AAK1: variants seen among roughly 807,000 people sequenced by gnomAD.
AAK1 encodes AP2 associated kinase 1, also known as AP2-associated protein kinase 1.
A neutral mutation model predicts 116.0 loss-of-function variants in AAK1; 37 were observed. That is an observed-to-expected ratio of 0.32 (90% CI 0.25 to 0.42). The LOEUF (loss-of-function observed/expected upper bound fraction) is 0.42, where lower values mean the gene tolerates loss of function less well. Ranked by LOEUF, AAK1 falls within the 10% of genes least tolerant of loss-of-function variation. The pLI is 1.00. For synonymous variants in AAK1, 458 were observed against 439.9 expected (o/e 1.04, Z -0.51); for missense variants, 919 against 1,170.6 (o/e 0.79, Z 3.14).
intron 9 of AAK1, 147 bp from the exon 10 acceptor site, chr2:69,525,259 G>T: frequency 1.4e-6 from 1 of 711,516 alleles, no homozygotes; most frequent in Non-Finnish European, 2.3e-6. Flanking sequence ...AGCTCTGTCT[G>T]GTAGAGGGAA....
At chr2:69,516,029 T>G (rs1676566822) in intron 12 of AAK1, among the ~76,000 whole-genome samples, 1 of 152,200 alleles carries the variant, frequency 6.6e-6, no homozygotes, top group African/African-American at 2.4e-5. Context: ...GATGGACTTT[T>G]GCAGATTTAA....
chr2:69,480,274 A>AG (rs1310635761), intron 19 of AAK1, among the ~76,000 whole-genome samples: 5 of 151,928 alleles, frequency 3.3e-5, no homozygotes, highest in African/African-American at 9.7e-5. Context: ...AAAAAAAAAA[A>AG]AAGAAGAAGG....
Position 69,473,863 on chromosome 2 carries a change from T to G in AAK1, c.*2006A>C. On this transcript the variant is annotated 3_prime_UTR_variant, in exon 22 of 22. Coordinates refer to ENST00000409085, the MANE Select transcript of AAK1 (RefSeq NM_014911.5). ...GAATACAATTCTGACCTGCAGCAATTTTCCTGTCCATAAAGGGGTAAACCA... is the reference window on the plus strand; with the variant it reads ...GAATACAATTCTGACCTGCAGCAATGTTCCTGTCCATAAAGGGGTAAACCA... 1 of 985,846 alleles carries G rather than the reference T, an allele frequency of 1.0e-6. No homozygotes were observed. Among genetic ancestry groups the G allele is most frequent in the Non-Finnish European group, 1.2e-6 (1 of 829,926 alleles). The allele number at this position is 985,846 out of a possible 1,614,324, so 61.1% of individuals were successfully genotyped here. A position where few individuals can be genotyped will look rare whatever the true frequency, so the allele number is the denominator to read the frequency against.
In AAK1 at chr2:69,640,049, A is replaced by ACTCTCTCTCTCTCTCTCTCT. The variant is rs1158229745; in HGVS notation, c.163+2828_163+2829insAGAGAGAGAGAGAGAGAGAG. ...CACACACACACACACACACACACACACACACTCTCTCTCTCTCTCTCTCTC... is the reference window on the plus strand; with the variant it reads ...CACACACACACACACACACACACACACTCTCTCTCTCTCTCTCTCTCACACTCTCTCTCTCTCTCTCTCTC... On this transcript the variant is annotated intron_variant, in intron 2 of 21. Coordinates refer to ENST00000409085, the MANE Select transcript of AAK1 (RefSeq NM_014911.5). 2.6e-4 allele frequency among the ~76,000 whole-genome samples: 30 copies of ACTCTCTCTCTCTCTCTCTCT among 115,062 alleles called. 1 individual carries two copies. The highest frequency in any genetic ancestry group is 2.6e-4 in the South Asian group (1 of 3,894). The allele number at this position is 115,062 out of a possible 152,430, so 75.5% of individuals were successfully genotyped here.
At chr2:69,611,733 T>C (rs1319193775) in intron 2 of AAK1, among the ~76,000 whole-genome samples, 4 of 152,132 alleles carry the variant, frequency 2.6e-5, no homozygotes, top group African/African-American at 9.7e-5. Flanking sequence ...AGCCAGAAGG[T>C]AGAAGCAATC....
At position 69,462,534 on chromosome 2, in the gene AAK1, C is replaced by A. The variant is rs1054963623; in HGVS notation, c.*13335G>T. 2 of 152,034 alleles carry A rather than the reference C, an allele frequency of 1.3e-5. No individual in the cohort carries two copies. The highest frequency in any genetic ancestry group is 2.4e-5 in the African/African-American group (1 of 41,358). The allele number at this position is 152,034 out of a possible 1,614,324, so 9.4% of individuals were successfully genotyped here. ...TCTCTACTAAGAATACAAAAATTAG[C>A]CAGGCGCGGTGGTGTGTGCCTATAA... On this transcript the variant is annotated 3_prime_UTR_variant, in exon 22 of 22. Coordinates refer to ENST00000409085, the MANE Select transcript of AAK1 (RefSeq NM_014911.5).
At chr2:69,630,789 G>A (rs1342179432) in intron 2 of AAK1, among the ~76,000 whole-genome samples, 2 of 152,124 alleles carry the variant, frequency 1.3e-5, no homozygotes, top group East Asian at 1.9e-4. Context: ...GGAAGGGGAG[G>A]AAAGACAGTA....
In AAK1 at chr2:69,542,677, C is replaced by A. The variant is rs758898750; in HGVS notation, c.392-12G>T. Reference sequence around the variant, plus strand: ...TACCACCTGGCCACCTGAGGGGGTACGTACAGGGCAAAGGAGACGTTATAA... The same window carrying A: ...TACCACCTGGCCACCTGAGGGGGTAAGTACAGGGCAAAGGAGACGTTATAA... On this transcript the variant is annotated splice_polypyrimidine_tract_variant and intron_variant, in intron 4 of 21. Coordinates refer to ENST00000409085, the MANE Select transcript of AAK1 (RefSeq NM_014911.5). 5.6e-6 allele frequency: 9 copies of A among 1,612,880 alleles called. No homozygotes were observed. In the East Asian group the frequency reaches 2.0e-4, roughly 36 times the overall value.
In AAK1 at chr2:69,465,706, T is replaced by G; in HGVS notation, c.*10163A>C. 1.5e-6 allele frequency: 2 copies of G among 1,290,922 alleles called. No homozygotes were observed. The highest frequency in any genetic ancestry group is 1.0e-6 in the Non-Finnish European group (1 of 988,886). The allele number at this position is 1,290,922 out of a possible 1,614,324, so 80.0% of individuals were successfully genotyped here. A position where few individuals can be genotyped will look rare whatever the true frequency, so the allele number is the denominator to read the frequency against. The stretch of plus-strand genomic sequence containing the variant: ...GCTTCTTTCTGGAGCTGAGGTCCTT[T>G]GTTTCTGTCATTAGAATGACCCCCA... On this transcript the variant is annotated 3_prime_UTR_variant, in exon 22 of 22. Coordinates refer to ENST00000409085, the MANE Select transcript of AAK1 (RefSeq NM_014911.5).
chr2:69,567,448 G>A (rs1389522717), intron 2 of AAK1, among the ~76,000 whole-genome samples: 2 of 152,186 alleles, frequency 1.3e-5, no homozygotes, highest in Non-Finnish European at 2.9e-5. Flanking sequence ...GGGCAGGGAC[G>A]ATGACTGATT....
At chr2:69,530,751 AATTAAAAACC>A in intron 6 of AAK1, 45 bp from the exon 7 acceptor site, 1 of 1,444,776 alleles carries the variant, frequency 6.9e-7, no homozygotes, top group Non-Finnish European at 9.7e-7. Context: ...TCAATACTAT[AATTAAAAACC>A]AGGAGCAGCA....
intron 2 of AAK1, among the ~76,000 whole-genome samples, chr2:69,560,263 CT>C: frequency 6.6e-6 from 1 of 152,194 alleles, no homozygotes; most frequent in African/African-American, 2.4e-5. Context: ...CAAGATACTT[CT>C]CGTGCACAGC....
At chr2:69,572,876 G>A (rs1054463858) in intron 2 of AAK1, among the ~76,000 whole-genome samples, 1 of 152,128 alleles carries the variant, frequency 6.6e-6, no homozygotes, top group African/African-American at 2.4e-5. Context: ...GGAAGTGAGA[G>A]CTGGGTAATA....
intron 2 of AAK1, among the ~76,000 whole-genome samples, chr2:69,577,515 C>T (rs1198546307): frequency 6.6e-6 from 1 of 152,172 alleles, no homozygotes; most frequent in Non-Finnish European, 1.5e-5. Flanking sequence ...AACATCCCCT[C>T]TACCCTCCAT....
intron 2 of AAK1, among the ~76,000 whole-genome samples, chr2:69,637,313 A>T (rs1675490393): frequency 6.6e-6 from 1 of 152,192 alleles, no homozygotes; most frequent in South Asian, 2.1e-4. Flanking sequence ...ACATGACTCC[A>T]GCGCAGCATC....
At chr2:69,505,738 G>C (rs1040023069) in intron 15 of AAK1, 65 bp from the exon 16 acceptor site, 13 of 1,248,144 alleles carry the variant, frequency 1.0e-5, no homozygotes, top group Non-Finnish European at 1.5e-5. Context: ...ACACATGGCA[G>C]AGGTAAGGGG....
At chr2:69,572,358 G>C (rs1672121612) in intron 2 of AAK1, among the ~76,000 whole-genome samples, 1 of 152,088 alleles carries the variant, frequency 6.6e-6, no homozygotes, top group East Asian at 1.9e-4. Context: ...GGCCAGGCAT[G>C]GTGGCTCACA....
chr2:69,586,539 T>C (rs1672774354), intron 2 of AAK1, among the ~76,000 whole-genome samples: 2 of 152,224 alleles, frequency 1.3e-5, no homozygotes, highest in Admixed American at 1.3e-4. Flanking sequence ...GATCTTAGGC[T>C]AAAAACTCTT....
intron 6 of AAK1, among the ~76,000 whole-genome samples, chr2:69,531,442 T>C (rs893011887): frequency 1.3e-5 from 2 of 152,178 alleles, no homozygotes; most frequent in African/African-American, 4.8e-5. Context: ...TGTTGACTTA[T>C]TAGTAGTAAT....
Sources: allele counts gnomAD v4.1 joint callset (sites outside exome capture counted in the v4.1 genomes callset), GRCh38; gene constraint gnomAD v4.1.1; transcripts MANE v1.5; gene names NCBI Gene and HGNC (gene_info 2026-07-23, HGNC 2026-07-21).